The following CPA6 variants were observed in gnomAD, a reference collection of about 807,000 sequenced individuals.
CPA6 encodes carboxypeptidase B.
Under a neutral mutation model 63.3 loss-of-function variants are expected in CPA6, and 58 were observed. The ratio of observed to expected loss-of-function variants is 0.92; its 90% CI spans 0.74 to 1.14. CPA6 has a LOEUF of 1.14. Ranked by LOEUF, CPA6 falls within the 50% of genes most tolerant of loss-of-function variation. The pLI, the probability that CPA6 is intolerant of heterozygous loss-of-function variation, is 0.00. For missense variants in CPA6, 565 were observed against 526.6 expected (o/e 1.07, Z -0.71); for synonymous variants, 185 against 179.0 (o/e 1.03, Z -0.27).
At chr8:67,468,837 A>G (rs773735003) in intron 8 of CPA6, among the ~76,000 whole-genome samples, 1 of 152,046 alleles carries the variant, frequency 6.6e-6, no homozygotes, top group Non-Finnish European at 1.5e-5. Context: ...GTCATCCTTC[A>G]TCAGAGCCAT....
intron 2 of CPA6, among the ~76,000 whole-genome samples, chr8:67,598,079 G>C (rs1406185293): frequency 6.6e-6 from 1 of 152,138 alleles, no homozygotes; most frequent in Non-Finnish European, 1.5e-5. Context: ...CTCACTCCTA[G>C]AATGCAATCT....
At chr8:67,450,296 G>T (rs1283838778) in intron 8 of CPA6, among the ~76,000 whole-genome samples, 2 of 152,150 alleles carry the variant, frequency 1.3e-5, no homozygotes, top group Non-Finnish European at 2.9e-5. Context: ...GGAATAACAA[G>T]TAATGGCTCT....
chr8:67,483,846 T>C lies in CPA6; in HGVS notation c.760A>G (p.Arg254Gly). 6.2e-7 allele frequency: 1 copy of C among 1,613,780 alleles called. No individual in the cohort carries two copies. Among genetic ancestry groups the C allele is most frequent in the South Asian group, 1.1e-5 (1 of 91,056 alleles). Residue 254 changes from arginine (R) to glycine (G), a missense_variant, in exon 8 of 11, where the codon AGA becomes GGA. By Grantham distance (125) the Arg-to-Gly change is moderately radical. Transcript: ENST00000297770. ...HFSWTNDRFW[R>G]KTRSRNSRFR... ...CTTGAGTTCCTTGACCTTGTTTTTC[T>C]CCAAAATCGATCCTAGACATAATTA...
At chr8:67,452,573 A>T (rs1281752295) in intron 8 of CPA6, 1 of 152,238 alleles carries the variant, frequency 6.6e-6, no homozygotes, top group Non-Finnish European at 1.5e-5. Context: ...TACTATGCAC[A>T]CACCATGCCT....
At chr8:67,483,500 G>C (rs1178261587) in intron 8 of CPA6, 4 of 512,868 alleles carry the variant, frequency 7.8e-6, no homozygotes, top group Non-Finnish European at 1.4e-5. Context: ...ATATTCCTCA[G>C]TTTGCTGCTT....
At chr8:67,447,660 T>A (rs1008073658) in intron 8 of CPA6, among the ~76,000 whole-genome samples, 8 of 152,226 alleles carry the variant, frequency 5.3e-5, no homozygotes, top group Non-Finnish European at 1.0e-4. Flanking sequence ...ATTGTTACTA[T>A]TTATATTTCC....
intron 1 of CPA6, among the ~76,000 whole-genome samples, chr8:67,668,570 A>G (rs1157570395): frequency 6.6e-6 from 1 of 152,248 alleles, no homozygotes; most frequent in Non-Finnish European, 1.5e-5. Context: ...TCAATGATAT[A>G]TAGCACATAC....
At chr8:67,489,693 T>C (rs1811563857) in intron 6 of CPA6, among the ~76,000 whole-genome samples, 1 of 152,180 alleles carries the variant, frequency 6.6e-6, no homozygotes, top group Non-Finnish European at 1.5e-5. Context: ...CTATATGTGT[T>C]CATTGGATTA....
intron 2 of CPA6, among the ~76,000 whole-genome samples, chr8:67,572,231 C>T (rs1416398942): frequency 6.6e-6 from 1 of 152,192 alleles, no homozygotes; most frequent in African/African-American, 2.4e-5. Context: ...TTTATTCTCA[C>T]CAAAACTCAT....
chr8:67,435,550 T>C (rs1322994929), intron 8 of CPA6, among the ~76,000 whole-genome samples: 2 of 152,168 alleles, frequency 1.3e-5, no homozygotes, highest in Non-Finnish European at 2.9e-5. Flanking sequence ...CCGCCCTTTG[T>C]TTGCACTATT....
chr8:67,679,348 A>G (rs1253095714), intron 1 of CPA6, among the ~76,000 whole-genome samples: 1 of 151,410 alleles, frequency 6.6e-6, no homozygotes, highest in Non-Finnish European at 1.5e-5. Context: ...TTGCTCAGAT[A>G]AAACATATGC....
chr8:67,546,782 T>C (rs1318246257), intron 2 of CPA6, among the ~76,000 whole-genome samples: 4 of 152,174 alleles, frequency 2.6e-5, no homozygotes, highest in African/African-American at 9.7e-5. Flanking sequence ...GCCTTCCAAG[T>C]AGCAGAGACT....
intron 10 of CPA6, among the ~76,000 whole-genome samples, chr8:67,426,555 T>C (rs1053564598): frequency 2.0e-5 from 3 of 152,250 alleles, no homozygotes; most frequent in South Asian, 4.1e-4. Context: ...ACTCCTGACA[T>C]TCTCATTATT....
At chr8:67,592,836 C>A (rs1178292711) in intron 2 of CPA6, among the ~76,000 whole-genome samples, 1 of 152,264 alleles carries the variant, frequency 6.6e-6, no homozygotes. Flanking sequence ...AAAAAACCAG[C>A]TCCTGGATTC....
At chr8:67,510,219 C>T (rs191028678) in intron 4 of CPA6, among the ~76,000 whole-genome samples, 31 of 152,184 alleles carry the variant, frequency 2.0e-4, no homozygotes, top group African/African-American at 7.0e-4. Flanking sequence ...GGAAAAGATA[C>T]ATTTGAATGA....
At chr8:67,550,418 C>T (rs1169106138) in intron 2 of CPA6, among the ~76,000 whole-genome samples, 3 of 152,040 alleles carry the variant, frequency 2.0e-5, no homozygotes, top group Admixed American at 2.0e-4. Context: ...ATATATGTAC[C>T]ACATTTTCTT....
intron 1 of CPA6, among the ~76,000 whole-genome samples, chr8:67,685,078 T>C (rs917087525): frequency 6.6e-5 from 10 of 152,198 alleles, no homozygotes; most frequent in African/African-American, 2.2e-4. Flanking sequence ...TCTATATCAA[T>C]GGCCCTAAAT....
At chr8:67,590,503 C>T (rs1185724640) in intron 2 of CPA6, among the ~76,000 whole-genome samples, 1 of 151,006 alleles carries the variant, frequency 6.6e-6, no homozygotes, top group Non-Finnish European at 1.5e-5. Context: ...TACGGTCCCA[C>T]CAACAGTGTA....
At chr8:67,738,974 T>C (rs1000525931) in intron 1 of CPA6, among the ~76,000 whole-genome samples, 12 of 152,362 alleles carry the variant, frequency 7.9e-5, no homozygotes, top group African/African-American at 2.9e-4. Context: ...TTGCACAATA[T>C]AGGCTGTGAA....
Sources: gnomAD v4.1 joint callset for allele counts (sites outside exome capture counted in the v4.1 genomes callset) on GRCh38, gnomAD v4.1.1 for gene constraint, MANE v1.5 for transcripts, NCBI Gene and HGNC (gene_info 2026-07-23, HGNC 2026-07-21) for gene names.